Variants in CFAP65 observed in about 807,000 individuals in gnomAD.
CFAP65 encodes the protein cilia- and flagella-associated protein 65.
A neutral mutation model predicts 208.0 loss-of-function variants in CFAP65; 155 were observed. The ratio of observed to expected loss-of-function variants is 0.75; its 90% CI spans 0.65 to 0.85. The LOEUF is 0.85. CFAP65 is among the 40% of genes least tolerant of loss of function. CFAP65 has a pLI of 0.00. For synonymous variants in CFAP65, 970 were observed against 986.3 expected (o/e 0.98, Z 0.31); for missense variants, 2,294 against 2,451.3 (o/e 0.94, Z 1.36).
chr2:219,011,422 G>A (rs958165759), intron 24 of CFAP65, among the ~76,000 whole-genome samples: 2 of 151,740 alleles, frequency 1.3e-5, no homozygotes, highest in African/African-American at 4.8e-5. Context: ...CCACAGGCAT[G>A]CACTACCACA....
Position 219,030,014 on chromosome 2 carries a change from G to C in CFAP65, c.1356C>G (p.Thr452=), listed in dbSNP as rs200892571. ...SIMPSGCASK[T]LLKVVGFCRG... is the part of the protein sequence containing the mutation. Reference sequence around the variant, plus strand: ...TACAGAAACCAACGACTTTAAGCAGGGTCTTGGAGGCACAGCCAGAAGGCA... The same window carrying C: ...TACAGAAACCAACGACTTTAAGCAGCGTCTTGGAGGCACAGCCAGAAGGCA... Residue 452 remains threonine (T), a synonymous_variant, in exon 10 of 35, where the codon ACC becomes ACG. Coordinates refer to ENST00000341552, the MANE Select transcript of CFAP65 (RefSeq NM_194302.4). 1.2e-6 allele frequency: 2 copies of C among 1,614,042 alleles called. No homozygotes were observed. The highest frequency in any genetic ancestry group is 1.7e-6 in the Non-Finnish European group (2 of 1,179,992).
chr2:219,004,205 C>G lies in CFAP65; in HGVS notation c.5302G>C (p.Gly1768Arg), dbSNP rs748380747. The change falls in exon 33 of 35, where the codon GGT (glycine) becomes CGT (arginine). Residue 1768 changes from glycine (G) to arginine (R), a missense_variant. By Grantham distance (125) the Gly-to-Arg change is moderately radical (BLOSUM62 -2). Transcript: ENST00000341552. This position sits in a 1 kb window ranked among gnomAD's most constrained non-coding sequence, Gnocchi z 4.7. ...GKKEEGEEEK[G>R]EEEEEELEEE... ...TCCAACTCTTCTTCTTCCTCTTCACCCTTCTCCTCCTCCCCCTCTTCCTTC... is the reference window on the plus strand; with the variant it reads ...TCCAACTCTTCTTCTTCCTCTTCACGCTTCTCCTCCTCCCCCTCTTCCTTC... The G allele has an allele frequency of 1.9e-6, 3 of 1,613,862 alleles. No homozygotes were observed. In the Admixed American group the frequency reaches 5.0e-5, roughly 27 times the overall value.
At position 219,006,146 on chromosome 2, in the gene CFAP65, C is replaced by A; in HGVS notation, c.4797G>T (p.Val1599=). 1 of 1,613,722 alleles carries A rather than the reference C, an allele frequency of 6.2e-7. No individual in the cohort carries two copies. The highest frequency in any genetic ancestry group is 1.1e-5 in the South Asian group (1 of 91,074). The change falls in exon 31 of 35, where the codon GTG becomes GTT. Residue 1599 remains valine, a synonymous_variant. Coordinates refer to ENST00000341552, the MANE Select transcript of CFAP65 (RefSeq NM_194302.4). ...SWKLQTPKEE[V]SWPCPQPPSP... ...AGGGTGGCTGGGGGCAGGGCCAGGA[C>A]ACCTCCTCCTTTGGGGTCTGCAGTT... is the stretch of plus-strand genomic sequence containing the variant.
Position 219,027,682 on chromosome 2 carries a change from T to C in CFAP65, c.2179A>G (p.Thr727Ala), listed in dbSNP as rs2106208463. 6.2e-7 allele frequency: 1 copy of C among 1,613,916 alleles called. No individual in the cohort carries two copies. Among genetic ancestry groups the C allele is most frequent in the Non-Finnish European group, 8.5e-7 (1 of 1,180,000 alleles). Reference protein sequence around the residue: ...FQPPHPNCLYTVELEAFAIYK... With the variant: ...FQPPHPNCLYAVELEAFAIYK... The stretch of plus-strand genomic sequence containing the variant: ...ATGGCGAAGGCTTCGAGCTCCACCG[T>C]GTAAAGGCAGTTGGGGTGAGGCGGC... The change falls in exon 13 of 35, where the codon ACG becomes GCG. Residue 727 changes from threonine to alanine, a missense_variant. Thr to Ala is a moderately conservative substitution (Grantham distance 58). Coordinates refer to ENST00000341552, the MANE Select transcript of CFAP65 (RefSeq NM_194302.4).
chr2:219,019,612 T>C lies in CFAP65; in HGVS notation c.3367A>G (p.Thr1123Ala), dbSNP rs764849672. Residue 1123 changes from threonine (T) to alanine (A), a missense_variant, in exon 20 of 35, where the codon ACC (threonine) becomes GCC (alanine). Transcript: ENST00000341552. ...VSSMGSAEGI[T>A]RKHLWRLFSL... Reference sequence around the variant, plus strand: ...AAGAGGCGCCACAGGTGCTTCCGGGTGATACCCTCAGCACTGCCCATGGAG... The same window carrying C: ...AAGAGGCGCCACAGGTGCTTCCGGGCGATACCCTCAGCACTGCCCATGGAG... 7 of 1,613,642 alleles carry C rather than the reference T, an allele frequency of 4.3e-6. No individual in the cohort carries two copies. The African/African-American group carries it at 9.3e-5, about 22-fold the overall frequency.
intron 13 of CFAP65, chr2:219,026,687 T>G: frequency 1.6e-6 from 1 of 626,774 alleles, no homozygotes; most frequent in Non-Finnish European, 2.0e-6. Context: ...CATTTTACAC[T>G]CACGGCACGT....
rs1945785171 is a variant in CFAP65 at position 219,004,317 on chromosome 2, G to A, written c.5190C>T (p.Ile1730=). ...DQKNSLYLMP[I]LPVPSSSWED... ...CCCAGCTGCTGGAGGGTACAGGCAG[G>A]ATTGGCATTAAGTACAGGCTGTTTT... is the stretch of plus-strand genomic sequence containing the variant. The change falls in exon 33 of 35, where the codon ATC becomes ATT. Residue 1730 remains isoleucine, a synonymous_variant. Transcript: ENST00000341552. This position sits in a 1 kb window ranked among gnomAD's most constrained non-coding sequence, Gnocchi z 4.7. The A allele has an allele frequency of 6.2e-7, 1 of 1,614,140 alleles. No individual in the cohort carries two copies. Among genetic ancestry groups the A allele is most frequent in the Non-Finnish European group, 8.5e-7 (1 of 1,180,040 alleles).
In CFAP65 at chr2:219,019,588, A is replaced by G; in HGVS notation, c.3391T>C (p.Phe1131Leu). Residue 1131 changes from phenylalanine to leucine, a missense_variant, in exon 20 of 35, where the codon TTC becomes CTC. By Grantham distance (22) the Phe-to-Leu change is conservative. Transcript: ENST00000341552. The part of the protein sequence containing the change: ...GITRKHLWRL[F>L]SLDLLNSYLE... ...TAACTGTTAAGCAGGTCCAGAGAGA[A>G]GAGGCGCCACAGGTGCTTCCGGGTG... 6.2e-7 allele frequency: 1 copy of G among 1,613,830 alleles called. No individual in the cohort carries two copies. The highest frequency in any genetic ancestry group is 8.5e-7 in the Non-Finnish European group (1 of 1,180,022).
chr2:219,035,702 T>A, intron 4 of CFAP65, 38 bp from the exon 5 acceptor site: 1 of 1,576,376 alleles, frequency 6.3e-7, no homozygotes, highest in Non-Finnish European at 8.6e-7. Context: ...GCAGAAAGGA[T>A]GTATCAGCAG....
At chr2:219,023,511 G>T in intron 15 of CFAP65, 80 bp from the exon 16 acceptor site, 2 of 1,045,318 alleles carry the variant, frequency 1.9e-6, no homozygotes, top group Non-Finnish European at 2.8e-6. Flanking sequence ...GGAAGCCATG[G>T]CTAGGCAGCT....
At chr2:219,021,624 C>T (rs1237248799) in intron 18 of CFAP65, among the ~76,000 whole-genome samples, 156 bp downstream of exon 18, 1 of 152,150 alleles carries the variant, frequency 6.6e-6, no homozygotes, top group Non-Finnish European at 1.5e-5. Context: ...TAGTGCACTG[C>T]AGCGTGGAAC....
At chr2:219,006,672 A>T (rs1218920990) in intron 29 of CFAP65, among the ~76,000 whole-genome samples, 163 bp from the exon 30 acceptor site, 1 of 152,136 alleles carries the variant, frequency 6.6e-6, no homozygotes, top group Non-Finnish European at 1.5e-5. Flanking sequence ...CGTCTCTACT[A>T]AAAATACAAA....
intron 4 of CFAP65, among the ~76,000 whole-genome samples, chr2:219,036,698 C>T (rs1417557458): frequency 6.6e-6 from 1 of 152,198 alleles, no homozygotes; most frequent in East Asian, 1.9e-4. Flanking sequence ...CCCACCTTGG[C>T]CTCCCAAAGA....
Position 219,003,096 on chromosome 2 carries a change from T to G in CFAP65, c.5693+39A>C. 3 of 1,544,634 alleles carry G rather than the reference T, an allele frequency of 1.9e-6. No individual in the cohort carries two copies. Among genetic ancestry groups the G allele is most frequent in the Non-Finnish European group, 2.6e-6 (3 of 1,142,520 alleles). ...AGCCTGGCTGCCCCCGTGGCCCCTCTCGCGCGGTCTGCGCGGCCGCTGGTC... is the reference window on the plus strand; with the variant it reads ...AGCCTGGCTGCCCCCGTGGCCCCTCGCGCGCGGTCTGCGCGGCCGCTGGTC... On this transcript the variant is annotated intron_variant, in intron 34 of 34. Coordinates refer to ENST00000341552, the MANE Select transcript of CFAP65 (RefSeq NM_194302.4). This position sits in a 1 kb window ranked among gnomAD's most constrained non-coding sequence, Gnocchi z 4.4.
rs1316841713 is a variant in CFAP65 at position 219,031,444 on chromosome 2, C to A, written c.815+45G>T. The A allele has an allele frequency of 5.6e-6, 9 of 1,613,570 alleles. No homozygotes were observed. Among genetic ancestry groups the A allele is most frequent in the African/African-American group, 1.3e-5 (1 of 74,926 alleles). On this transcript the variant is annotated intron_variant, in intron 7 of 34. Coordinates refer to ENST00000341552, the MANE Select transcript of CFAP65 (RefSeq NM_194302.4). The surrounding 1 kb of genome is among the most constrained non-coding windows in gnomAD (Gnocchi z 5.2). ...GTCTCTCCTGCTTCCAGACACCCTCCTCACAGCTCTTGCTCTCCCCGCCGC... is the reference window on the plus strand; with the variant it reads ...GTCTCTCCTGCTTCCAGACACCCTCATCACAGCTCTTGCTCTCCCCGCCGC...
rs1946410403 is a variant in CFAP65 at position 219,010,658 on chromosome 2, T to G, written c.4196A>C (p.His1399Pro). 6.2e-7 allele frequency: 1 copy of G among 1,610,222 alleles called. No individual in the cohort carries two copies. The highest frequency in any genetic ancestry group is 1.3e-5 in the African/African-American group (1 of 74,744). Residue 1399 changes from histidine to proline, a missense_variant, in exon 26 of 35, where the codon CAC (histidine) becomes CCC (proline). Coordinates refer to ENST00000341552, the MANE Select transcript of CFAP65 (RefSeq NM_194302.4). ...GGGGTTGTAGCCCACTCCCTGGAAG[T>G]GGATGAGGGCCGAGTTCCATCCCAG... Reference protein sequence around the residue: ...HILGWNSALIHFQGVGYNPHM... With the variant: ...HILGWNSALIPFQGVGYNPHM...
rs1330920890 is a variant in CFAP65 at position 219,031,414 on chromosome 2, T to C, written c.815+75A>G. The C allele has an allele frequency of 1.8e-5, 29 of 1,605,322 alleles. No homozygotes were observed. The East Asian group carries it at 6.2e-4, about 35-fold the overall frequency. On this transcript the variant is annotated intron_variant, in intron 7 of 34. Transcript: ENST00000341552. This position sits in a 1 kb window ranked among gnomAD's most constrained non-coding sequence, Gnocchi z 5.2. ...AGACTACCCTACCCCGACAAGGGTA[T>C]GCCTGTCTCTCCTGCTTCCAGACAC...
Position 219,018,924 on chromosome 2 carries a change from G to A in CFAP65, c.3602+127C>T. On this transcript the variant is annotated intron_variant, in intron 21 of 34. Coordinates refer to ENST00000341552, the MANE Select transcript of CFAP65 (RefSeq NM_194302.4). The stretch of plus-strand genomic sequence containing the variant: ...CACCCTGGCCTCCACAGCCGTCAAT[G>A]TGAGGTCCACTCTTCACAGACAGCA... The A allele has an allele frequency of 2.3e-6, 3 of 1,315,206 alleles. No homozygotes were observed. In the South Asian group the frequency reaches 4.0e-5, roughly 18 times the overall value. The allele number at this position is 1,315,206 out of a possible 1,614,324, so 81.5% of individuals were successfully genotyped here.
In CFAP65 at chr2:219,021,132, A is replaced by C; in HGVS notation, c.3259+20T>G. On this transcript the variant is annotated intron_variant, in intron 19 of 34. Transcript: ENST00000341552. ...TGCATTTCCCCGGCCCCGACTCTCT[A>C]TGCCAGGCAGTCTAGGTACCTCTGT... 1 of 1,505,158 alleles carries C rather than the reference A, an allele frequency of 6.6e-7. No individual in the cohort carries two copies. Among genetic ancestry groups the C allele is most frequent in the South Asian group, 1.4e-5 (1 of 72,312 alleles). 93.2% of individuals were successfully genotyped at this position (1,505,158 alleles called of 1,614,324 possible). A position where few individuals can be genotyped will look rare whatever the true frequency, so the allele number is the denominator to read the frequency against.
Sources: allele counts gnomAD v4.1 joint callset (sites outside exome capture counted in the v4.1 genomes callset), GRCh38; gene constraint gnomAD v4.1.1; non-coding constraint Gnocchi (gnomAD v3.1); transcripts MANE v1.5; gene names NCBI Gene and HGNC (gene_info 2026-07-23, HGNC 2026-07-21).